Variants in PSPC1 observed in about 807,000 individuals in gnomAD.
PSPC1 encodes the protein paraspeckle component 1.
PSPC1 carries 14 observed loss-of-function variants against 51.6 expected under a neutral mutation model. The ratio of observed to expected loss-of-function variants is 0.27; its 90% CI spans 0.18 to 0.42. The LOEUF (loss-of-function observed/expected upper bound fraction) is 0.42. PSPC1 is among the 10% of genes least tolerant of loss of function. The pLI is 1.00. For synonymous variants in PSPC1, 193 were observed against 231.9 expected (o/e 0.83, Z 1.53); for missense variants, 406 against 701.1 (o/e 0.58, Z 4.75).
At position 19,730,338 on chromosome 13, in the gene PSPC1, T is replaced by C; in HGVS notation, c.1059A>G (p.Glu353=). The part of the protein sequence containing the change: ...QKRKQIQLRH[E]EEHRRREEEM... ...CTTCCTCACGCCGCCGATGCTCCTC[T>C]TCATGTCTGAAAATTTTTCAAATAA... is the stretch of plus-strand genomic sequence containing the variant. The change falls in exon 6 of 9, where the codon GAA becomes GAG. Residue 353 remains glutamate, a synonymous_variant. Coordinates refer to ENST00000338910, the MANE Select transcript of PSPC1 (RefSeq NM_001354909.2). The C allele has an allele frequency of 6.2e-7, 1 of 1,614,050 alleles. No homozygotes were observed. The highest frequency in any genetic ancestry group is 8.5e-7 in the Non-Finnish European group (1 of 1,179,978).
intron 3 of PSPC1, among the ~76,000 whole-genome samples, chr13:19,753,834 C>T (rs1201889761): frequency 6.6e-6 from 1 of 152,014 alleles, no homozygotes; most frequent in African/African-American, 2.4e-5. Flanking sequence ...TATCTGAAAA[C>T]CCTACTTGGA....
At position 19,728,848 on chromosome 13, in the gene PSPC1, G is replaced by C. The variant is rs3783038; in HGVS notation, c.1158+1391C>G. 6.6e-5 allele frequency among the ~76,000 whole-genome samples: 10 copies of C among 152,208 alleles called. No homozygotes were observed. The East Asian group carries it at 9.6e-4, about 15-fold the overall frequency. Reference sequence around the variant, plus strand: ...AAATACGGATATCCCAAAAAGTTAAGAGCATAGTAACTTTGTGGTCTATCT... The same window carrying C: ...AAATACGGATATCCCAAAAAGTTAACAGCATAGTAACTTTGTGGTCTATCT... On this transcript the variant is annotated intron_variant, in intron 6 of 8. Transcript: ENST00000338910.
intron 6 of PSPC1, among the ~76,000 whole-genome samples, chr13:19,693,899 G>A (rs1362449066): frequency 2.0e-5 from 3 of 151,964 alleles, no homozygotes; most frequent in Admixed American, 6.6e-5. Flanking sequence ...CGAGATGGGC[G>A]GATCACGAGG....
downstream of PSPC1, chr13:19,671,909 G>C (rs760199334): frequency 1.2e-6 from 2 of 1,605,512 alleles, no homozygotes; most frequent in Non-Finnish European, 1.7e-6. Context: ...GTTCTCTTCA[G>C]ACCGATTCCT....
chr13:19,742,600 A>G (rs973690960), intron 4 of PSPC1, among the ~76,000 whole-genome samples: 7 of 152,138 alleles, frequency 4.6e-5, no homozygotes, highest in African/African-American at 1.7e-4. Flanking sequence ...TTAGCTGGGT[A>G]TGGAGGTGCA....
chr13:19,748,608 ACATGTCTCC>A (rs1220329906), intron 4 of PSPC1, among the ~76,000 whole-genome samples: 1 of 152,172 alleles, frequency 6.6e-6, no homozygotes, highest in Non-Finnish European at 1.5e-5. Flanking sequence ...AGTACCTCAG[ACATGTCTCC>A]CATAACTGAC....
At chr13:19,765,601 A>G (rs1888001560) in intron 2 of PSPC1, among the ~76,000 whole-genome samples, 1 of 151,030 alleles carries the variant, frequency 6.6e-6, no homozygotes, top group South Asian at 2.1e-4. Context: ...AGCTGGGACT[A>G]CAGGTGCCTA....
chr13:19,761,710 C>T (rs1377298158), intron 2 of PSPC1, among the ~76,000 whole-genome samples: 2 of 152,102 alleles, frequency 1.3e-5, no homozygotes, highest in Non-Finnish European at 2.9e-5. Flanking sequence ...GGTAAAGAGA[C>T]TTAAGATGTG....
chr13:19,711,222 A>G (rs529587070), intron 6 of PSPC1, among the ~76,000 whole-genome samples: 65 of 152,292 alleles, frequency 4.3e-4, no homozygotes, highest in Non-Finnish European at 6.3e-4. Context: ...CTGACCTGCA[A>G]AAAAAGCTAG....
chr13:19,709,803 C>G, intron 6 of PSPC1, among the ~76,000 whole-genome samples: 1 of 151,234 alleles, frequency 6.6e-6, no homozygotes, highest in East Asian at 1.9e-4. Context: ...CTTAATGCAT[C>G]CAGTTTATAT....
intron 1 of PSPC1, among the ~76,000 whole-genome samples, chr13:19,775,121 G>A (rs1198722377): frequency 2.6e-5 from 4 of 152,008 alleles, no homozygotes; most frequent in African/African-American, 9.7e-5. Context: ...GGCAGATCAC[G>A]AGGTCAGGAG....
intron 5 of PSPC1, among the ~76,000 whole-genome samples, chr13:19,733,661 G>T (rs1303924633): frequency 6.6e-6 from 1 of 151,952 alleles, no homozygotes; most frequent in East Asian, 1.9e-4. Flanking sequence ...TACTCAGGAG[G>T]ATGAGGCAGG....
At chr13:19,694,310 A>C (rs1878957108) in intron 6 of PSPC1, among the ~76,000 whole-genome samples, 1 of 152,058 alleles carries the variant, frequency 6.6e-6, no homozygotes, top group Non-Finnish European at 1.5e-5. Context: ...TTAAAATGTG[A>C]CTAAATTATT....
chr13:19,775,814 G>A (rs1439446383), intron 1 of PSPC1, among the ~76,000 whole-genome samples: 2 of 152,176 alleles, frequency 1.3e-5, no homozygotes, highest in East Asian at 3.9e-4. Flanking sequence ...ACTTTGGGAG[G>A]CCGAGGCAGG....
chr13:19,758,038 G>A (rs1887256110), intron 3 of PSPC1, among the ~76,000 whole-genome samples: 3 of 152,160 alleles, frequency 2.0e-5, no homozygotes, highest in African/African-American at 7.2e-5. Context: ...CACTCGGCTG[G>A]GTGCGGTGGC....
intron 8 of PSPC1, among the ~76,000 whole-genome samples, chr13:19,705,221 G>A (rs1218912159): frequency 1.3e-5 from 2 of 152,244 alleles, no homozygotes; most frequent in African/African-American, 2.4e-5. Flanking sequence ...TCAGCTGGAC[G>A]CGGTGGCTCA....
chr13:19,764,981 A>G (rs1887927828), intron 2 of PSPC1, among the ~76,000 whole-genome samples: 1 of 152,078 alleles, frequency 6.6e-6, no homozygotes. Flanking sequence ...AAGAATGTGT[A>G]ATGATGATGA....
intron 3 of PSPC1, among the ~76,000 whole-genome samples, chr13:19,758,180 G>A (rs1375194767): frequency 2.0e-5 from 3 of 152,086 alleles, no homozygotes; most frequent in Non-Finnish European, 4.4e-5. Context: ...AGGCATGGTG[G>A]TGGGCGCCTG....
At chr13:19,715,102 T>C (rs1881936975) in intron 6 of PSPC1, among the ~76,000 whole-genome samples, 1 of 152,188 alleles carries the variant, frequency 6.6e-6, no homozygotes, top group Non-Finnish European at 1.5e-5. Context: ...AAGCGACTCT[T>C]AACTCTGTAA....
Sources: gnomAD v4.1 joint callset for allele counts (sites outside exome capture counted in the v4.1 genomes callset) on GRCh38, gnomAD v4.1.1 for gene constraint, MANE v1.5 for transcripts, NCBI Gene and HGNC (gene_info 2026-07-23, HGNC 2026-07-21) for gene names.